HMCN1: variants seen among roughly 807,000 people sequenced by gnomAD.
The protein encoded by HMCN1 is hemicentin-1.
In HMCN1, 321 loss-of-function variants were observed where a neutral mutation model predicts 625.9. That is an observed-to-expected ratio of 0.51 (90% CI 0.47 to 0.56). The LOEUF is 0.56. Ranked by LOEUF, HMCN1 falls within the 20% of genes least tolerant of loss-of-function variation. The probability of loss-of-function intolerance (pLI) is 0.00; values close to 1 mark genes in which losing one functional copy is unlikely to be tolerated. For synonymous variants in HMCN1, 2,425 were observed against 2,417.6 expected, an observed-to-expected ratio of 1.00 and a Z score of -0.09; for missense variants, 6,588 against 6,887.3, an observed-to-expected ratio of 0.96 and a Z score of 1.54.
In HMCN1 at chr1:185,990,405, G is replaced by A. The variant is rs1359940777; in HGVS notation, c.3339G>A (p.Trp1113Ter). The change falls in exon 22 of 107, where the codon TGG (tryptophan) becomes TGA (stop). Residue 1113 changes from tryptophan to a stop codon, truncating the protein, a stop_gained. Coordinates refer to ENST00000271588, the MANE Select transcript of HMCN1 (RefSeq NM_031935.3). LOFTEE classifies it high-confidence loss of function. ...GCTTACCTCCACCCATAATTACTTG[G>A]GCCAAAGAAACCCAGCTCATCTCAC... Reference protein sequence around the residue: ...VKSLPPPIITWAKETQLISPF... With the variant: ...VKSLPPPIIT The A allele has an allele frequency of 1.2e-6, 2 of 1,614,004 alleles. No homozygotes were observed. The highest frequency in any genetic ancestry group is 3.3e-5 in the Admixed American group (2 of 60,008).
rs556166735 is a variant in HMCN1 at position 186,132,371 on chromosome 1, C to T, written c.13274C>T (p.Ala4425Val). ...GDYTCVATNE[A>V]GVVERSMSLT... ...TATACATGTGTAGCTACCAATGAAG[C>T]TGGGGTGGTGGAGCGCAGCATGAGT... Residue 4425 changes from alanine to valine, a missense_variant, in exon 86 of 107, where the codon GCT (alanine) becomes GTT (valine). Physicochemically the swap from Ala to Val is moderately conservative, Grantham distance 64. Coordinates refer to ENST00000271588, the MANE Select transcript of HMCN1 (RefSeq NM_031935.3). 1.2e-6 allele frequency: 2 copies of T among 1,612,792 alleles called. No individual in the cohort carries two copies. The highest frequency in any genetic ancestry group is 4.5e-5 in the East Asian group (2 of 44,808).
rs141201754 is a variant in HMCN1, at chr1:185,787,205, T to C, written c.268+52158T>C. On this transcript the variant is annotated intron_variant, in intron 1 of 106. Transcript: ENST00000271588. ...CATGCACGTGTGTTTTAATGAACAA[T>C]TGGCCTGAAAGGCAGACAGAAAATA... is the stretch of plus-strand genomic sequence containing the variant. Among the ~76,000 whole-genome samples the C allele has an allele frequency of 2.4e-3, 358 of 151,116 alleles. 1 individual carries two copies. Among genetic ancestry groups the C allele is most frequent in the African/African-American group, 8.1e-3 (335 of 41,210 alleles).
chr1:185,990,249 C>A, intron 21 of HMCN1, 26 bp from the exon 22 acceptor site: 1 of 1,604,802 alleles, frequency 6.2e-7, no homozygotes, highest in Non-Finnish European at 8.5e-7. Context: ...ATACTGTTTC[C>A]CTTCCAAAAC....
chr1:185,738,572 T>C (rs1483227182), intron 1 of HMCN1, among the ~76,000 whole-genome samples: 1 of 152,210 alleles, frequency 6.6e-6, no homozygotes, highest in African/African-American at 2.4e-5. Flanking sequence ...ATGATGGATA[T>C]ACCTGGCAGT....
chr1:185,843,293 CAGGCCTTAT>C (rs1306643223), intron 1 of HMCN1, among the ~76,000 whole-genome samples: 1 of 152,138 alleles, frequency 6.6e-6, no homozygotes, highest in Admixed American at 6.6e-5. Context: ...AGGTTTAAAT[CAGGCCTTAT>C]AGACTGACAG....
At chr1:185,845,525 C>G (rs192986538) in intron 1 of HMCN1, among the ~76,000 whole-genome samples, 10 of 152,270 alleles carry the variant, frequency 6.6e-5, no homozygotes, top group African/African-American at 2.4e-4. Context: ...CTGGCCACAT[C>G]TCTAAATTCT....
intron 2 of HMCN1, among the ~76,000 whole-genome samples, chr1:185,847,002 G>A (rs1558012193): frequency 6.6e-6 from 1 of 152,076 alleles, no homozygotes; most frequent in Admixed American, 6.6e-5. Context: ...TGTGCACTGA[G>A]CGGGTTGGTG....
At chr1:185,827,356 T>G (rs1310136895) in intron 1 of HMCN1, among the ~76,000 whole-genome samples, 1 of 151,726 alleles carries the variant, frequency 6.6e-6, no homozygotes, top group East Asian at 1.9e-4. Context: ...TTTAAAGAAA[T>G]AAGTGTGTTT....
chr1:186,135,223 T>C (rs149351955), intron 86 of HMCN1, among the ~76,000 whole-genome samples: 1 of 152,340 alleles, frequency 6.6e-6, no homozygotes, highest in Non-Finnish European at 1.5e-5. Flanking sequence ...CCAAGGACTT[T>C]ACTTCAGCCA....
rs971032601 is a variant in HMCN1 at position 186,000,059 on chromosome 1, A to T, written c.3889A>T (p.Thr1297Ser). The T allele has an allele frequency of 6.2e-7, 1 of 1,612,226 alleles. No individual in the cohort carries two copies. Among genetic ancestry groups the T allele is most frequent in the African/African-American group, 1.3e-5 (1 of 74,844 alleles). The stretch of plus-strand genomic sequence containing the variant: ...TTCTTATTTAGGTACCCCTAAACCA[A>T]CCATCAAATGGTTACACAATGGTAG... The part of the protein sequence containing the change: ...PCPAKGTPKP[T>S]IKWLHNGREL... Residue 1297 changes from threonine (T) to serine (S), a missense_variant, in exon 26 of 107, where the codon ACC becomes TCC. Thr to Ser is a moderately conservative substitution (Grantham distance 58). This residue lies in a region of HMCN1 where 4,628 missense variants were observed against 4,853.1 expected (regional missense o/e 0.95). Coordinates refer to ENST00000271588, the MANE Select transcript of HMCN1 (RefSeq NM_031935.3).
chr1:185,909,109 T>A (rs549290000), intron 4 of HMCN1, among the ~76,000 whole-genome samples: 8 of 152,208 alleles, frequency 5.3e-5, no homozygotes, highest in Admixed American at 2.0e-4. Context: ...AATGTATTAT[T>A]CAAGATAGAA....
chr1:185,870,993 A>G (rs1197613318), intron 4 of HMCN1, among the ~76,000 whole-genome samples: 1 of 152,034 alleles, frequency 6.6e-6, no homozygotes, highest in East Asian at 1.9e-4. Flanking sequence ...GCACTTTGGG[A>G]GGCCAAGGTG....
At chr1:185,918,706 C>T (rs916603583) in intron 6 of HMCN1, among the ~76,000 whole-genome samples, 21 of 152,148 alleles carry the variant, frequency 1.4e-4, no homozygotes, top group East Asian at 7.7e-4. Context: ...ACTTAATGAA[C>T]GTGATACTAC....
intron 60 of HMCN1, 102 bp downstream of exon 60, chr1:186,087,747 T>C: frequency 1.5e-6 from 2 of 1,300,378 alleles, no homozygotes; most frequent in Non-Finnish European, 2.2e-6. Context: ...GAAAAATGAT[T>C]TTCATTAAAA....
At chr1:185,920,822 C>T (rs1221062488) in intron 6 of HMCN1, among the ~76,000 whole-genome samples, 5 of 152,102 alleles carry the variant, frequency 3.3e-5, no homozygotes. Flanking sequence ...GTAACCTCAA[C>T]AGCTGTTTCA....
intron 1 of HMCN1, among the ~76,000 whole-genome samples, chr1:185,819,648 TTA>T (rs1414502637): frequency 3.9e-5 from 6 of 152,202 alleles, no homozygotes; most frequent in Non-Finnish European, 7.3e-5. Flanking sequence ...TTATAACTCC[TTA>T]AAGCCTTTCT....
At position 186,122,961 on chromosome 1, in the gene HMCN1, C is replaced by T; in HGVS notation, c.12240C>T (p.Val4080=). The T allele has an allele frequency of 6.2e-7, 1 of 1,613,782 alleles. No homozygotes were observed. The highest frequency in any genetic ancestry group is 1.7e-5 in the Admixed American group (1 of 60,018). ...TTTTGTATATTTTAGTTCCTCCAGT[C>T]ATTAGCCCTCATCTAAAGGAATATG... ...KIKLNVQVPP[V]ISPHLKEYVI... The change falls in exon 81 of 107, where the codon GTC becomes GTT. Residue 4080 remains valine (V), a synonymous_variant. Transcript: ENST00000271588.
rs1656811647 is a variant in HMCN1, at chr1:186,049,565, A to G, written c.6577+726A>G. On this transcript the variant is annotated intron_variant, in intron 42 of 106. Coordinates refer to ENST00000271588, the MANE Select transcript of HMCN1 (RefSeq NM_031935.3). ...CACAACTTTTGCCTCAGCTGTGGCT[A>G]TCAGCTAAAAAGCATTCCTATTTCC... is the stretch of plus-strand genomic sequence containing the variant. 2.0e-5 allele frequency among the ~76,000 whole-genome samples: 3 copies of G among 152,078 alleles called. No homozygotes were observed. In the South Asian group the frequency reaches 6.2e-4, roughly 31 times the overall value.
rs550846037 is a variant in HMCN1 at position 185,994,258 on chromosome 1, C to G, written c.3506-557C>G. On this transcript the variant is annotated intron_variant, in intron 23 of 106. Transcript: ENST00000271588. ...AATCATTTGCTGGTGTTTTGATAAA[C>G]TACTGCATTTAAATTTCTGAAGGAA... 2.2e-4 allele frequency among the ~76,000 whole-genome samples: 33 copies of G among 152,162 alleles called. No individual in the cohort carries two copies. In the East Asian group the frequency reaches 6.0e-3, roughly 28 times the overall value.
Sources: allele counts gnomAD v4.1 joint callset (sites outside exome capture counted in the v4.1 genomes callset), GRCh38; gene constraint gnomAD v4.1.1; regional missense constraint gnomAD v4.1.1; transcripts MANE v1.5; gene names NCBI Gene and HGNC (gene_info 2026-07-23, HGNC 2026-07-21).